The following DENND5B variants were observed in gnomAD, a reference collection of about 807,000 sequenced individuals.
DENND5B encodes the protein DENN domain containing 5B.
A neutral mutation model predicts 140.6 loss-of-function variants in DENND5B; 34 were observed. That is an observed-to-expected ratio of 0.24 (90% CI 0.18 to 0.32). DENND5B has a LOEUF of 0.32. Among genes scored for constraint, DENND5B ranks in the 10% least tolerant of loss-of-function variants. The pLI, the probability that DENND5B is intolerant of heterozygous loss-of-function variation, is 1.00. For missense variants in DENND5B, 1,142 were observed against 1,560.2 expected (o/e 0.73, Z 4.52); for synonymous variants, 551 against 562.1 (o/e 0.98, Z 0.28).
intron 1 of DENND5B, among the ~76,000 whole-genome samples, chr12:31,515,774 C>T (rs1947613520): frequency 6.6e-6 from 1 of 152,160 alleles, no homozygotes; most frequent in South Asian, 2.1e-4. Flanking sequence ...TATAAATAGA[C>T]TACTCAAAAT....
intron 1 of DENND5B, among the ~76,000 whole-genome samples, chr12:31,512,992 C>T (rs988836580): frequency 6.6e-6 from 1 of 152,112 alleles, no homozygotes; most frequent in African/African-American, 2.4e-5. Context: ...GAATCTCACC[C>T]AAAATACCAC....
At chr12:31,451,326 T>C (rs1434728180) in intron 5 of DENND5B, among the ~76,000 whole-genome samples, 2 of 152,188 alleles carry the variant, frequency 1.3e-5, no homozygotes, top group South Asian at 2.1e-4. Context: ...TTTTTATTTA[T>C]TTATTTATTT....
intron 16 of DENND5B, 90 bp downstream of exon 16, chr12:31,399,564 C>T (rs949053236): frequency 4.9e-6 from 5 of 1,029,658 alleles, no homozygotes; most frequent in Non-Finnish European, 7.2e-6. Flanking sequence ...TAGGTGTGAG[C>T]CACTGTGCCT....
intron 1 of DENND5B, among the ~76,000 whole-genome samples, chr12:31,533,434 C>T (rs1267942963): frequency 2.0e-5 from 3 of 152,108 alleles, no homozygotes; most frequent in Non-Finnish European, 4.4e-5. Context: ...TGCTTTTTGT[C>T]ACTATCCATA....
At chr12:31,409,407 C>T in intron 13 of DENND5B, 23 bp from the exon 14 acceptor site, 3 of 1,301,206 alleles carry the variant, frequency 2.3e-6, no homozygotes, top group Non-Finnish European at 3.0e-6. Flanking sequence ...AAGACAAGCA[C>T]AAGACAGTAG....
At chr12:31,466,829 T>C (rs1201379069) in intron 3 of DENND5B, among the ~76,000 whole-genome samples, 1 of 152,148 alleles carries the variant, frequency 6.6e-6, no homozygotes, top group Non-Finnish European at 1.5e-5. Context: ...ATTCTTAAAT[T>C]TCAGGAAACA....
chr12:31,519,754 G>A (rs11051450), intron 1 of DENND5B, among the ~76,000 whole-genome samples: 2,111 of 152,306 alleles, frequency 0.014, 16 homozygotes, highest in Non-Finnish European at 0.023. Context: ...AACTGCAACA[G>A]ATAAGCATGC....
At chr12:31,511,537 CT>C (rs59147620) in intron 1 of DENND5B, among the ~76,000 whole-genome samples, 34,476 of 114,854 alleles carry the variant, frequency 0.3, 4,113 homozygotes, top group Middle Eastern at 0.37. Context: ...AATATGATGT[CT>C]TTTTTTTTTT....
At chr12:31,576,175 C>T (rs1295895976) in intron 1 of DENND5B, among the ~76,000 whole-genome samples, 1 of 146,356 alleles carries the variant, frequency 6.8e-6, no homozygotes, top group African/African-American at 2.5e-5. Flanking sequence ...TGAGGCCGCG[C>T]GCACAGGGGC....
intron 1 of DENND5B, among the ~76,000 whole-genome samples, chr12:31,516,058 T>C (rs965030538): frequency 2.0e-5 from 3 of 152,342 alleles, no homozygotes; most frequent in Non-Finnish European, 2.9e-5. Context: ...GTATGAAAAC[T>C]AGGTTGCCCC....
chr12:31,577,108 T>C (rs1950041099), intron 1 of DENND5B, among the ~76,000 whole-genome samples: 1 of 152,228 alleles, frequency 6.6e-6, no homozygotes, highest in Non-Finnish European at 1.5e-5. Context: ...AAGCCTGGTC[T>C]ATGAGCAATC....
intron 1 of DENND5B, chr12:31,541,081 T>G (rs1379149498): frequency 2.3e-6 from 1 of 441,490 alleles, no homozygotes; most frequent in Non-Finnish European, 4.5e-6. Context: ...AAACTTAAAT[T>G]TAAGACCTCA....
chr12:31,420,561 A>C (rs1371138392), intron 11 of DENND5B, among the ~76,000 whole-genome samples: 1 of 151,870 alleles, frequency 6.6e-6, no homozygotes, highest in Admixed American at 6.6e-5. Flanking sequence ...CTCATGCCTC[A>C]GCCTCCTGAA....
intron 3 of DENND5B, among the ~76,000 whole-genome samples, chr12:31,470,938 G>A (rs1348206697): frequency 6.6e-6 from 1 of 152,106 alleles, no homozygotes; most frequent in African/African-American, 2.4e-5. Flanking sequence ...ATTTACTGAA[G>A]GTAAAAGTAA....
chr12:31,549,250 T>C (rs974036996), intron 1 of DENND5B, among the ~76,000 whole-genome samples: 1 of 152,112 alleles, frequency 6.6e-6, no homozygotes, highest in African/African-American at 2.4e-5. Flanking sequence ...AAATGAGAGA[T>C]AAAATGTAGC....
intron 1 of DENND5B, among the ~76,000 whole-genome samples, chr12:31,562,761 CCTTT>C (rs1374550290): frequency 1.3e-5 from 2 of 152,128 alleles, no homozygotes; most frequent in Admixed American, 1.3e-4. Flanking sequence ...CTAGCTTCTT[CCTTT>C]CTAATCTAAA....
At chr12:31,552,772 A>G (rs1036691007) in intron 1 of DENND5B, among the ~76,000 whole-genome samples, 1 of 152,142 alleles carries the variant, frequency 6.6e-6, no homozygotes, top group South Asian at 2.1e-4. Flanking sequence ...TCAGAGATTC[A>G]ACTTCTTCCT....
intron 1 of DENND5B, among the ~76,000 whole-genome samples, chr12:31,564,978 T>C (rs1261343872): frequency 6.6e-6 from 1 of 152,216 alleles, no homozygotes. Flanking sequence ...ATTGCTTTAG[T>C]ATGCTCTACT....
intron 7 of DENND5B, among the ~76,000 whole-genome samples, chr12:31,439,299 CG>C (rs1943918135): frequency 1.3e-5 from 2 of 152,248 alleles, no homozygotes; most frequent in South Asian, 4.2e-4. Context: ...TACCTGAAAA[CG>C]TAATGACTGA....
Sources: gnomAD v4.1 joint callset for allele counts (sites outside exome capture counted in the v4.1 genomes callset) on GRCh38, gnomAD v4.1.1 for gene constraint, MANE v1.5 for transcripts, NCBI Gene and HGNC (gene_info 2026-07-23, HGNC 2026-07-21) for gene names.